The following GRIN2A variants were observed in gnomAD, a reference collection of about 807,000 sequenced individuals.
GRIN2A encodes the protein glutamate ionotropic receptor NMDA type subunit 2A.
A neutral mutation model predicts 113.4 loss-of-function variants in GRIN2A; 22 were observed. That is an observed-to-expected ratio of 0.19 (90% CI 0.14 to 0.28). The LOEUF (loss-of-function observed/expected upper bound fraction) is 0.28. GRIN2A is among the 10% of genes least tolerant of loss of function. GRIN2A has a pLI of 1.00. For missense variants in GRIN2A, 1,502 were observed against 1,887.0 expected, an observed-to-expected ratio of 0.80 and a Z score of 3.78; for synonymous variants, 827 against 738.4, an observed-to-expected ratio of 1.12 and a Z score of -1.94.
chr16:10,086,579 C>T (rs59475807), intron 2 of GRIN2A, among the ~76,000 whole-genome samples: 3,520 of 141,204 alleles, frequency 0.025, 130 homozygotes, highest in African/African-American at 0.089. Context: ...GGAGAAGCTG[C>T]ACCATACCAG....
chr16:10,110,943 T>C (rs1309497554), intron 2 of GRIN2A, among the ~76,000 whole-genome samples: 1 of 152,220 alleles, frequency 6.6e-6, no homozygotes, highest in Non-Finnish European at 1.5e-5. Flanking sequence ...GTTTCTGCTA[T>C]TCAGGGATGT....
intron 2 of GRIN2A, among the ~76,000 whole-genome samples, chr16:10,065,506 T>C (rs1173499054): frequency 6.6e-6 from 1 of 152,254 alleles, no homozygotes; most frequent in Non-Finnish European, 1.5e-5. Flanking sequence ...TTTTAATGCA[T>C]GTTTAAATCT....
At chr16:9,933,136 G>T (rs1164470877) in intron 3 of GRIN2A, among the ~76,000 whole-genome samples, 1 of 152,148 alleles carries the variant, frequency 6.6e-6, no homozygotes, top group Non-Finnish European at 1.5e-5. Flanking sequence ...TTTAAACTTT[G>T]GAAAATGCTG....
chr16:10,095,627 T>C (rs570154561), intron 2 of GRIN2A, among the ~76,000 whole-genome samples: 9 of 152,162 alleles, frequency 5.9e-5, no homozygotes, highest in African/African-American at 2.2e-4. Flanking sequence ...AGGAGCTACA[T>C]TGAAAGTGTA....
intron 2 of GRIN2A, among the ~76,000 whole-genome samples, chr16:10,129,438 C>T (rs148391805): frequency 3.3e-5 from 5 of 152,112 alleles, no homozygotes; most frequent in African/African-American, 1.2e-4. Context: ...GAAAATGAAG[C>T]TGAGTAATGG....
chr16:9,887,431 A>G (rs1021156833), intron 4 of GRIN2A, among the ~76,000 whole-genome samples: 1 of 152,208 alleles, frequency 6.6e-6, no homozygotes, highest in Non-Finnish European at 1.5e-5. Context: ...ATCACACAAT[A>G]TAATCTTTCA....
intron 2 of GRIN2A, among the ~76,000 whole-genome samples, chr16:10,070,757 T>C (rs1438875006): frequency 3.3e-5 from 5 of 152,196 alleles, no homozygotes; most frequent in African/African-American, 4.8e-5. Flanking sequence ...GGCTATGAAT[T>C]GTTCAGCGGT....
intron 2 of GRIN2A, among the ~76,000 whole-genome samples, chr16:10,110,558 G>C (rs1244743163): frequency 6.6e-6 from 1 of 152,228 alleles, no homozygotes; most frequent in Non-Finnish European, 1.5e-5. Flanking sequence ...GCCAGGACTG[G>C]GGGGTGCATG....
In GRIN2A at chr16:9,762,374, C is replaced by T; in HGVS notation, c.*775G>A. On this transcript the variant is annotated 3_prime_UTR_variant, in exon 13 of 13. Transcript: ENST00000330684. ...GGAGACATAAATGTGTTAGTTTATG[C>T]AGCTCTGAACAAGACCATCGAAGCC... 1 of 226,128 alleles carries T rather than the reference C, an allele frequency of 4.4e-6. No homozygotes were observed. Among genetic ancestry groups the T allele is most frequent in the Non-Finnish European group, 8.8e-6 (1 of 113,354 alleles). The allele number at this position is 226,128 out of a possible 1,614,324, so 14.0% of individuals were successfully genotyped here.
chr16:10,004,333 G>A (rs2031953851), intron 2 of GRIN2A, among the ~76,000 whole-genome samples: 1 of 149,850 alleles, frequency 6.7e-6, no homozygotes, highest in African/African-American at 2.5e-5. Context: ...AGGTTACAGT[G>A]AGCCGAGATC....
Position 9,753,525 on chromosome 16 carries a change from C to T in GRIN2A, c.*9624G>A. 4.9e-6 allele frequency: 1 copy of T among 203,346 alleles called. No individual in the cohort carries two copies. The highest frequency in any genetic ancestry group is 7.5e-5 in the East Asian group (1 of 13,336). 12.6% of individuals were successfully genotyped at this position (203,346 alleles called of 1,614,324 possible). A position where few individuals can be genotyped will look rare whatever the true frequency, so the allele number is the denominator to read the frequency against. ...GTTGCCTCAGGAGTTATATACATAT[C>T]AGTTTGCACACGAATTTCAATCCCC... is the stretch of plus-strand genomic sequence containing the variant. On this transcript the variant is annotated 3_prime_UTR_variant, in exon 13 of 13. Coordinates refer to ENST00000330684, the MANE Select transcript of GRIN2A (RefSeq NM_001134407.3).
intron 2 of GRIN2A, among the ~76,000 whole-genome samples, chr16:10,002,051 T>C (rs1432966359): frequency 1.3e-5 from 2 of 152,192 alleles, no homozygotes; most frequent in African/African-American, 2.4e-5. Flanking sequence ...ATCAGCACCA[T>C]TACCACTAGA....
rs535639986 is a variant in GRIN2A at position 9,846,810 on chromosome 16, C to T, written c.1328+2946G>A. ...GGTAAAAGAAACAGATCAGAAAAGACTCAGAAAACAAATAAAGTTTCCAAC... is the reference window on the plus strand; with the variant it reads ...GGTAAAAGAAACAGATCAGAAAAGATTCAGAAAACAAATAAAGTTTCCAAC... On this transcript the variant is annotated intron_variant, in intron 5 of 12. Transcript: ENST00000330684. 1.2e-4 allele frequency among the ~76,000 whole-genome samples: 18 copies of T among 152,278 alleles called. No homozygotes were observed. In the South Asian group the frequency reaches 3.5e-3, roughly 30 times the overall value.
At chr16:9,923,918 G>A (rs985434023) in intron 3 of GRIN2A, among the ~76,000 whole-genome samples, 5 of 152,038 alleles carry the variant, frequency 3.3e-5, no homozygotes, top group Non-Finnish European at 5.9e-5. Context: ...CTTGAGGCCA[G>A]GAGTTCGAGA....
chr16:10,139,338 A>C (rs905257439), intron 2 of GRIN2A, among the ~76,000 whole-genome samples: 1 of 152,090 alleles, frequency 6.6e-6, no homozygotes, highest in African/African-American at 2.4e-5. Context: ...AGGCAGGGAG[A>C]GGAGAGGGAA....
chr16:10,177,868 C>T (rs78067039), intron 2 of GRIN2A, among the ~76,000 whole-genome samples: 116 of 152,312 alleles, frequency 7.6e-4, no homozygotes, highest in African/African-American at 2.5e-3. Flanking sequence ...TACACTCTTC[C>T]GGCTTCTCTC....
chr16:10,129,018 C>A (rs1386396730), intron 2 of GRIN2A, among the ~76,000 whole-genome samples: 2 of 152,180 alleles, frequency 1.3e-5, no homozygotes, highest in African/African-American at 4.8e-5. Flanking sequence ...ATTCATTTAA[C>A]AGATATTTAT....
intron 2 of GRIN2A, among the ~76,000 whole-genome samples, chr16:9,988,779 C>G (rs888185381): frequency 6.6e-6 from 1 of 152,092 alleles, no homozygotes; most frequent in African/African-American, 2.4e-5. Context: ...TCAAATAAGA[C>G]TAACTATCGG....
intron 4 of GRIN2A, among the ~76,000 whole-genome samples, chr16:9,881,322 A>T (rs2043476332): frequency 6.6e-6 from 1 of 152,242 alleles, no homozygotes; most frequent in African/African-American, 2.4e-5. Flanking sequence ...TTCCAAAGGA[A>T]GAAAGAAGCA....
Sources: gnomAD v4.1 joint callset for allele counts (sites outside exome capture counted in the v4.1 genomes callset) on GRCh38, gnomAD v4.1.1 for gene constraint, MANE v1.5 for transcripts, NCBI Gene and HGNC (gene_info 2026-07-23, HGNC 2026-07-21) for gene names.